CNTNAP2: variants seen among roughly 807,000 people sequenced by gnomAD.
The protein encoded by CNTNAP2 is contactin-associated protein-like 2.
Under a neutral mutation model 155.2 loss-of-function variants are expected in CNTNAP2, and 98 were observed. That is an observed-to-expected ratio of 0.63 (90% CI 0.54 to 0.75). The LOEUF (loss-of-function observed/expected upper bound fraction) is 0.75. Ranked by LOEUF, CNTNAP2 falls within the 30% of genes least tolerant of loss-of-function variation. The pLI, the probability that CNTNAP2 is intolerant of heterozygous loss-of-function variation, is 0.00. For synonymous variants in CNTNAP2, 651 were observed against 631.2 expected (o/e 1.03, Z -0.47); for missense variants, 1,727 against 1,688.1 (o/e 1.02, Z -0.40).
intron 1 of CNTNAP2, among the ~76,000 whole-genome samples, chr7:146,762,542 T>C (rs10271317): frequency 0.047 from 7,082 of 152,132 alleles, 551 homozygotes; most frequent in African/African-American, 0.16. Flanking sequence ...GAGGTTGCAG[T>C]GAGCTGAGAT....
intron 9 of CNTNAP2, among the ~76,000 whole-genome samples, chr7:147,364,041 A>G (rs550261787): frequency 9.2e-5 from 14 of 152,318 alleles, no homozygotes; most frequent in South Asian, 2.1e-4. Context: ...TGTAGAAAAG[A>G]AATGCACATC....
intron 1 of CNTNAP2, among the ~76,000 whole-genome samples, chr7:146,170,957 G>T (rs1798380909): frequency 6.6e-6 from 1 of 152,096 alleles, no homozygotes; most frequent in Admixed American, 6.6e-5. Flanking sequence ...AACCTGGGGG[G>T]CGGAGGTTAC....
intron 1 of CNTNAP2, among the ~76,000 whole-genome samples, chr7:146,406,323 G>A (rs765807013): frequency 2.6e-5 from 4 of 152,038 alleles, no homozygotes; most frequent in Non-Finnish European, 5.9e-5. Context: ...GTATTGCATC[G>A]TCCTCCTTAG....
intron 18 of CNTNAP2, among the ~76,000 whole-genome samples, chr7:148,212,631 C>T (rs1054608496): frequency 3.9e-5 from 6 of 152,032 alleles, no homozygotes; most frequent in East Asian, 1.9e-4. Context: ...GATAATTTTA[C>T]GAGGGAAATG....
Position 146,936,526 on chromosome 7 carries a change from A to G in CNTNAP2, c.402+96622A>G, listed in dbSNP as rs1280820003. Among the ~76,000 whole-genome samples, 3 of 152,214 alleles carry G rather than the reference A, an allele frequency of 2.0e-5. No individual in the cohort carries two copies. The South Asian group carries it at 6.2e-4, about 32-fold the overall frequency. On this transcript the variant is annotated intron_variant, in intron 3 of 23. Transcript: ENST00000361727. The stretch of plus-strand genomic sequence containing the variant: ...TTTTGGCCAATCTCTCAAAATTGAG[A>G]AAATGACCAAAAGCGGGGAATTGTT...
intron 13 of CNTNAP2, among the ~76,000 whole-genome samples, chr7:147,653,398 C>T (rs1309670700): frequency 6.6e-6 from 1 of 152,106 alleles, no homozygotes; most frequent in Non-Finnish European, 1.5e-5. Flanking sequence ...TCAGAAATCA[C>T]CAGCTTGGCA....
intron 1 of CNTNAP2, among the ~76,000 whole-genome samples, chr7:146,518,585 C>CT (rs908493051): frequency 2.0e-5 from 3 of 151,546 alleles, no homozygotes; most frequent in African/African-American, 7.3e-5. Context: ...CTTAATACAA[C>CT]TTTTTTTTGA....
chr7:147,684,005 G>C (rs563073585), intron 13 of CNTNAP2, among the ~76,000 whole-genome samples: 2 of 151,730 alleles, frequency 1.3e-5, no homozygotes, highest in East Asian at 3.9e-4. Context: ...GATGATGCCG[G>C]TTTGAAATTC....
intron 1 of CNTNAP2, among the ~76,000 whole-genome samples, chr7:146,539,565 G>A (rs1486251435): frequency 6.6e-6 from 1 of 151,948 alleles, no homozygotes; most frequent in South Asian, 2.1e-4. Context: ...ACTATGGGCA[G>A]GTGGGAAAGA....
chr7:146,446,634 T>C (rs1212656821), intron 1 of CNTNAP2, among the ~76,000 whole-genome samples: 6 of 152,044 alleles, frequency 3.9e-5, no homozygotes, highest in African/African-American at 1.4e-4. Context: ...AAGTGAGAAG[T>C]TGGTGAAGGT....
chr7:148,116,193 G>T (rs1563204287), intron 15 of CNTNAP2, among the ~76,000 whole-genome samples: 1 of 150,986 alleles, frequency 6.6e-6, no homozygotes, highest in Non-Finnish European at 1.5e-5. Flanking sequence ...AACACATTAA[G>T]AACAGTTTTT....
At chr7:146,343,510 A>G (rs1453278443) in intron 1 of CNTNAP2, among the ~76,000 whole-genome samples, 1 of 152,216 alleles carries the variant, frequency 6.6e-6, no homozygotes, top group East Asian at 1.9e-4. Context: ...TGTGCAAACT[A>G]AAGTATATGG....
intron 9 of CNTNAP2, among the ~76,000 whole-genome samples, chr7:147,361,917 T>A (rs1796153514): frequency 6.6e-6 from 1 of 152,146 alleles, no homozygotes; most frequent in Non-Finnish European, 1.5e-5. Context: ...AGGGGGTAAC[T>A]CAAAATTCTC....
At chr7:146,614,999 A>G (rs1799201344) in intron 1 of CNTNAP2, among the ~76,000 whole-genome samples, 1 of 152,218 alleles carries the variant, frequency 6.6e-6, no homozygotes. Context: ...AAAAGAAAAT[A>G]TACTGGGAAA....
chr7:146,927,413 C>T (rs1253762088), intron 3 of CNTNAP2, among the ~76,000 whole-genome samples: 1 of 152,110 alleles, frequency 6.6e-6, no homozygotes, highest in African/African-American at 2.4e-5. Context: ...AAAAAGTCTG[C>T]AGTTTCTCCA....
At chr7:146,548,798 G>GTTT (rs71165013) in intron 1 of CNTNAP2, among the ~76,000 whole-genome samples, 17 of 123,720 alleles carry the variant, frequency 1.4e-4, no homozygotes, top group South Asian at 2.7e-4. Context: ...CATTCTCTAG[G>GTTT]TTTTTTTTTT....
intron 15 of CNTNAP2, among the ~76,000 whole-genome samples, chr7:147,980,556 C>A (rs558868201): frequency 6.6e-6 from 1 of 151,994 alleles, no homozygotes; most frequent in African/African-American, 2.4e-5. Flanking sequence ...TCCAGGCAAC[C>A]GAGAATAAGT....
At chr7:148,348,330 T>G (rs1798362281) in intron 21 of CNTNAP2, among the ~76,000 whole-genome samples, 1 of 152,208 alleles carries the variant, frequency 6.6e-6, no homozygotes, top group Non-Finnish European at 1.5e-5. Context: ...AATCGTACAT[T>G]TTCTTCCAAT....
At chr7:147,933,768 T>C (rs2707572) in intron 14 of CNTNAP2, among the ~76,000 whole-genome samples, 111,606 of 151,896 alleles carry the variant, frequency 0.73, 43,110 homozygotes, top group Non-Finnish European at 0.85. Context: ...GAGGCTGAGG[T>C]GGGAGAATCG....
Sources: gnomAD v4.1 joint callset for allele counts (sites outside exome capture counted in the v4.1 genomes callset) on GRCh38, gnomAD v4.1.1 for gene constraint, MANE v1.5 for transcripts, NCBI Gene and HGNC (gene_info 2026-07-23, HGNC 2026-07-21) for gene names.